Variants in TAB2 observed in about 807,000 individuals in gnomAD.
TAB2 encodes the protein TGF-beta activated kinase 1 (MAP3K7) binding protein 2, also known as TGF-beta-activated kinase 1 and MAP3K7-binding protein 2.
In TAB2, 3 loss-of-function variants were observed where a neutral mutation model predicts 65.0. That is an observed-to-expected ratio of 0.05 (90% confidence interval 0.02 to 0.12). The LOEUF (loss-of-function observed/expected upper bound fraction) is 0.12. TAB2 is among the 10% of genes least tolerant of loss of function. TAB2 has a pLI of 1.00. For synonymous variants in TAB2, 298 were observed against 285.1 expected, an observed-to-expected ratio of 1.05 and a Z score of -0.46; for missense variants, 623 against 840.3, an observed-to-expected ratio of 0.74 and a Z score of 3.20.
At chr6:149,340,756 C>T (rs1216614722) in intron 1 of TAB2, among the ~76,000 whole-genome samples, 2 of 152,068 alleles carry the variant, frequency 1.3e-5, no homozygotes, top group Non-Finnish European at 1.5e-5. Context: ...GTCTTATCAT[C>T]TAAGTTTTAG....
At chr6:149,236,964 C>T (rs932896270) in intron 1 of TAB2, among the ~76,000 whole-genome samples, 2 of 152,226 alleles carry the variant, frequency 1.3e-5, no homozygotes, top group African/African-American at 4.8e-5. Context: ...CAACATGCCA[C>T]AGCAGAGCCA....
intron 1 of TAB2, among the ~76,000 whole-genome samples, chr6:149,220,630 C>T (rs1164235553): frequency 6.6e-6 from 1 of 152,116 alleles, no homozygotes; most frequent in Non-Finnish European, 1.5e-5. Flanking sequence ...TGTTCATTTG[C>T]TTTTTGTGAC....
chr6:149,284,445 A>G (rs1778632001), intron 1 of TAB2, among the ~76,000 whole-genome samples: 1 of 151,424 alleles, frequency 6.6e-6, no homozygotes, highest in Admixed American at 6.6e-5. Context: ...TGTCTCTAGA[A>G]CCCCTACTAA....
intron 1 of TAB2, among the ~76,000 whole-genome samples, chr6:149,369,393 A>G (rs1781144736): frequency 6.6e-6 from 1 of 152,232 alleles, no homozygotes; most frequent in African/African-American, 2.4e-5. Flanking sequence ...ATAAAATGCT[A>G]CTAAGCTCCT....
intron 1 of TAB2, among the ~76,000 whole-genome samples, chr6:149,274,397 C>T (rs532496003): frequency 2.4e-4 from 36 of 152,340 alleles, no homozygotes; most frequent in Admixed American, 1.6e-3. Flanking sequence ...CTTAGCTTTC[C>T]ATACCCATAT....
intron 1 of TAB2, among the ~76,000 whole-genome samples, chr6:149,341,036 A>G (rs1161311625): frequency 6.6e-6 from 1 of 152,116 alleles, no homozygotes; most frequent in African/African-American, 2.4e-5. Flanking sequence ...TTGCCCTTAA[A>G]ACATTTCCTA....
intron 3 of TAB2, chr6:149,379,933 G>T (rs185400058): frequency 5.9e-5 from 27 of 455,324 alleles, no homozygotes; most frequent in African/African-American, 3.0e-4. Context: ...TCTTTGACCA[G>T]ATATTTGAAG....
At chr6:149,250,525 C>T (rs573743418) in intron 1 of TAB2, among the ~76,000 whole-genome samples, 2 of 152,262 alleles carry the variant, frequency 1.3e-5, no homozygotes, top group African/African-American at 4.8e-5. Context: ...ATGCTGATCT[C>T]AAACTCCTGA....
chr6:149,345,252 G>T (rs1357270563), intron 1 of TAB2, among the ~76,000 whole-genome samples: 1 of 152,050 alleles, frequency 6.6e-6, no homozygotes, highest in Non-Finnish European at 1.5e-5. Context: ...CTTAGACATG[G>T]TTAATCATGG....
chr6:149,379,205 T>G lies in TAB2; in HGVS notation c.1290T>G (p.Pro430=). Residue 430 remains proline, a synonymous_variant, in exon 3 of 7, where the codon CCT becomes CCG. Transcript: ENST00000637181. ...TGTCTGGGCAAGTGAGCATGGGTCC[T>G]GCCTTTATTCATCACCATCCTCCCA... ...RNMSGQVSMG[P]AFIHHHPPKS... is the part of the protein sequence containing the mutation. The G allele has an allele frequency of 6.2e-7, 1 of 1,614,224 alleles. No individual in the cohort carries two copies. Among genetic ancestry groups the G allele is most frequent in the South Asian group, 1.1e-5 (1 of 91,084 alleles).
At chr6:149,306,436 G>A (rs1036726249) in intron 1 of TAB2, among the ~76,000 whole-genome samples, 1 of 151,940 alleles carries the variant, frequency 6.6e-6, no homozygotes, top group African/African-American at 2.4e-5. Context: ...TGTAGTCCCA[G>A]CTACTCGGGA....
chr6:149,281,580 A>AAAAC (rs1778576094), intron 1 of TAB2, among the ~76,000 whole-genome samples: 1 of 146,474 alleles, frequency 6.8e-6, no homozygotes, highest in Non-Finnish European at 1.5e-5. Context: ...AAAAAAAAAA[A>AAAAC]ACTTGATTAA....
chr6:149,381,057 C>T (rs562527078), intron 3 of TAB2, among the ~76,000 whole-genome samples: 2 of 152,306 alleles, frequency 1.3e-5, no homozygotes, highest in East Asian at 3.9e-4. Context: ...CAGGGCACCA[C>T]TGCACTCCAG....
chr6:149,337,690 TTATC>T (rs1284145061), intron 1 of TAB2, among the ~76,000 whole-genome samples: 2 of 152,234 alleles, frequency 1.3e-5, no homozygotes, highest in African/African-American at 2.4e-5. Context: ...CTTTTATTAT[TTATC>T]TGTTTCAGTT....
At chr6:149,350,419 A>T (rs1462148487) in intron 1 of TAB2, among the ~76,000 whole-genome samples, 1 of 152,308 alleles carries the variant, frequency 6.6e-6, no homozygotes, top group East Asian at 1.9e-4. Flanking sequence ...TCAGGATTTT[A>T]TGATTTACAG....
upstream of TAB2, among the ~76,000 whole-genome samples, chr6:149,315,452 T>C (rs1019539749): frequency 1.3e-5 from 2 of 152,238 alleles, no homozygotes; most frequent in Admixed American, 6.5e-5. Flanking sequence ...TATATCATGT[T>C]CTTTTACCCC....
At chr6:149,379,831 T>A in intron 3 of TAB2, 1 of 453,516 alleles carries the variant, frequency 2.2e-6, no homozygotes, top group Non-Finnish European at 4.4e-6. Flanking sequence ...ATGCTGACTT[T>A]CTCTTTAAAT....
intron 1 of TAB2, among the ~76,000 whole-genome samples, chr6:149,358,472 G>A (rs1168828502): frequency 1.3e-5 from 2 of 151,882 alleles, no homozygotes; most frequent in Admixed American, 6.6e-5. Context: ...TCTGTCTTCC[G>A]GCATCTACTG....
intron 1 of TAB2, among the ~76,000 whole-genome samples, chr6:149,304,788 T>C (rs1026678925): frequency 4.6e-5 from 7 of 152,158 alleles, no homozygotes; most frequent in African/African-American, 1.7e-4. Flanking sequence ...CACAGTATCC[T>C]GGGAGGATTG....
Sources: allele counts gnomAD v4.1 joint callset (sites outside exome capture counted in the v4.1 genomes callset), GRCh38; gene constraint gnomAD v4.1.1; transcripts MANE v1.5; gene names NCBI Gene and HGNC (gene_info 2026-07-23, HGNC 2026-07-21).